The following LDB2 variants were observed in gnomAD, a reference collection of about 807,000 sequenced individuals.
LDB2 encodes LIM domain binding 2.
In LDB2, 12 loss-of-function variants were observed where a neutral mutation model predicts 44.3. The ratio of observed to expected loss-of-function variants is 0.27; its 90% CI spans 0.17 to 0.44. The LOEUF is 0.44. Among genes scored for constraint, LDB2 ranks in the 20% least tolerant of loss-of-function variants. The pLI is 1.00. For missense variants in LDB2, 344 were observed against 473.5 expected, an observed-to-expected ratio of 0.73 and a Z score of 2.54; for synonymous variants, 164 against 174.8, an observed-to-expected ratio of 0.94 and a Z score of 0.49.
intron 2 of LDB2, among the ~76,000 whole-genome samples, chr4:16,662,793 GC>G (rs1347323169): frequency 2.6e-5 from 4 of 151,392 alleles, no homozygotes; most frequent in Non-Finnish European, 5.9e-5. Flanking sequence ...TGATTGTGAG[GC>G]CTCCCAAGCC....
At chr4:16,544,387 A>C (rs1036741300) in intron 5 of LDB2, among the ~76,000 whole-genome samples, 1 of 152,158 alleles carries the variant, frequency 6.6e-6, no homozygotes, top group Non-Finnish European at 1.5e-5. Context: ...GACCAGGCCA[A>C]GTGGGCTTCA....
At chr4:16,851,093 G>C (rs959327290) in intron 1 of LDB2, among the ~76,000 whole-genome samples, 8 of 151,856 alleles carry the variant, frequency 5.3e-5, no homozygotes, top group African/African-American at 1.9e-4. Context: ...GCAGTGGGGT[G>C]CTAGTGAATA....
chr4:16,802,086 T>G (rs1323448483), intron 1 of LDB2, among the ~76,000 whole-genome samples: 2 of 152,170 alleles, frequency 1.3e-5, no homozygotes, highest in Non-Finnish European at 2.9e-5. Flanking sequence ...CGAAATAATG[T>G]GTAGGGAAGG....
At chr4:16,615,302 A>G (rs2152471162) in intron 2 of LDB2, among the ~76,000 whole-genome samples, 1 of 152,310 alleles carries the variant, frequency 6.6e-6, no homozygotes, top group African/African-American at 2.4e-5. Context: ...AGACACATGT[A>G]CACATATGTT....
intron 3 of LDB2, among the ~76,000 whole-genome samples, chr4:16,595,361 G>A (rs566556156): frequency 4.6e-5 from 7 of 152,020 alleles, no homozygotes; most frequent in African/African-American, 1.2e-4. Context: ...TGCTGACCAC[G>A]CGAAAATAGG....
intron 1 of LDB2, among the ~76,000 whole-genome samples, chr4:16,787,340 C>T (rs112864539): frequency 0.022 from 3,291 of 152,202 alleles, 120 homozygotes; most frequent in African/African-American, 0.076. Flanking sequence ...TCACTGGGCA[C>T]GGTGGCTCAC....
intron 1 of LDB2, among the ~76,000 whole-genome samples, chr4:16,813,563 A>G (rs763189705): frequency 2.6e-5 from 4 of 152,304 alleles, no homozygotes; most frequent in South Asian, 2.1e-4. Flanking sequence ...AAAAATCTGT[A>G]AGAGTATTCT....
chr4:16,862,854 G>A (rs1713170576), intron 1 of LDB2, among the ~76,000 whole-genome samples: 1 of 152,074 alleles, frequency 6.6e-6, no homozygotes, highest in Admixed American at 6.6e-5. Context: ...CCGAAGTCCA[G>A]CAAATTTGAA....
chr4:16,719,464 C>T (rs1757784115), intron 2 of LDB2, among the ~76,000 whole-genome samples: 1 of 152,040 alleles, frequency 6.6e-6, no homozygotes, highest in Non-Finnish European at 1.5e-5. Context: ...TTGAGAAGGC[C>T]TTCTGTAGCA....
chr4:16,869,700 A>T (rs1220654263), intron 1 of LDB2, among the ~76,000 whole-genome samples: 1 of 152,172 alleles, frequency 6.6e-6, no homozygotes, highest in Non-Finnish European at 1.5e-5. Context: ...ACTATTATTG[A>T]GTTACGAGCT....
At chr4:16,773,369 C>G (rs1771132508) in intron 1 of LDB2, among the ~76,000 whole-genome samples, 1 of 152,148 alleles carries the variant, frequency 6.6e-6, no homozygotes, top group South Asian at 2.1e-4. Flanking sequence ...AATAATTATA[C>G]AACTCACCAT....
intron 1 of LDB2, among the ~76,000 whole-genome samples, chr4:16,883,285 C>T (rs185310171): frequency 6.6e-4 from 101 of 152,294 alleles, no homozygotes; most frequent in Middle Eastern, 6.8e-3. Flanking sequence ...TAACTGGGAT[C>T]GTAGACTGCG....
intron 5 of LDB2, among the ~76,000 whole-genome samples, chr4:16,542,107 G>GGT (rs948591821): frequency 6.9e-6 from 1 of 144,684 alleles, no homozygotes; most frequent in Non-Finnish European, 1.5e-5. Flanking sequence ...GTGGTGGGGG[G>GGT]GGGGGCGCGA....
At chr4:16,822,281 TG>T (rs1265864888) in intron 1 of LDB2, among the ~76,000 whole-genome samples, 1 of 152,120 alleles carries the variant, frequency 6.6e-6, no homozygotes, top group Non-Finnish European at 1.5e-5. Context: ...AATAGACCAT[TG>T]GTTAAAGCAG....
At chr4:16,859,874 A>C (rs1711922982) in intron 1 of LDB2, among the ~76,000 whole-genome samples, 1 of 152,276 alleles carries the variant, frequency 6.6e-6, no homozygotes, top group African/African-American at 2.4e-5. Context: ...AACGTTTAAA[A>C]TTTGTCAGGC....
At chr4:16,554,589 G>A (rs1362035249) in intron 5 of LDB2, among the ~76,000 whole-genome samples, 2 of 152,156 alleles carry the variant, frequency 1.3e-5, no homozygotes, top group Admixed American at 6.5e-5. Context: ...ACACCATTCA[G>A]CACTGAAAAG....
chr4:16,535,120 G>GTGAT (rs1281686248), intron 5 of LDB2, among the ~76,000 whole-genome samples: 1 of 152,214 alleles, frequency 6.6e-6, no homozygotes, highest in African/African-American at 2.4e-5. Context: ...GTCAGCTGCT[G>GTGAT]TGATTGCGTG....
chr4:16,659,858 G>A (rs1189115662), intron 2 of LDB2, among the ~76,000 whole-genome samples: 1 of 151,986 alleles, frequency 6.6e-6, no homozygotes, highest in Non-Finnish European at 1.5e-5. Context: ...TAAATCTCTC[G>A]CTTTGTGATC....
At chr4:16,731,723 AC>A (rs1308709907) in intron 2 of LDB2, among the ~76,000 whole-genome samples, 1 of 152,132 alleles carries the variant, frequency 6.6e-6, no homozygotes, top group East Asian at 1.9e-4. Flanking sequence ...TGTCTAAGAC[AC>A]TTGTAATTTC....
Sources: allele counts gnomAD v4.1 joint callset (sites outside exome capture counted in the v4.1 genomes callset), GRCh38; gene constraint gnomAD v4.1.1; transcripts MANE v1.5; gene names NCBI Gene and HGNC (gene_info 2026-07-23, HGNC 2026-07-21).